FBXW7: variants seen among roughly 807,000 people sequenced by gnomAD.
FBXW7 encodes the protein F-box/WD repeat-containing protein 7.
A neutral mutation model predicts 86.3 loss-of-function variants in FBXW7; 11 were observed. The observed-to-expected ratio is 0.13, with a 90% CI of 0.08 to 0.21. The LOEUF is 0.21. Ranked by LOEUF, FBXW7 falls within the 10% of genes least tolerant of loss-of-function variation. The pLI, the probability that FBXW7 is intolerant of heterozygous loss-of-function variation, is 1.00. For missense variants in FBXW7, 488 were observed against 847.4 expected (o/e 0.58, Z 5.27); for synonymous variants, 313 against 297.9 (o/e 1.05, Z -0.52).
At chr4:152,367,936 G>A (rs980096687) in intron 4 of FBXW7, among the ~76,000 whole-genome samples, 5 of 151,844 alleles carry the variant, frequency 3.3e-5, no homozygotes, top group African/African-American at 1.2e-4. Flanking sequence ...AAAAAAACTG[G>A]TAAGTTTTTT....
chr4:152,522,191 C>T (rs1047957560), intron 2 of FBXW7, among the ~76,000 whole-genome samples: 3 of 152,092 alleles, frequency 2.0e-5, no homozygotes, highest in Non-Finnish European at 2.9e-5. Flanking sequence ...TTTATGAATA[C>T]ACACTACGGC....
intron 9 of FBXW7, 43 bp from the exon 10 acceptor site, chr4:152,329,828 A>G: frequency 8.6e-7 from 1 of 1,165,074 alleles, no homozygotes; most frequent in South Asian, 1.7e-5. Context: ...TAATTAAATT[A>G]TGTTCTTTAA....
chr4:152,342,832 C>G (rs148490841), intron 6 of FBXW7, among the ~76,000 whole-genome samples: 1 of 152,320 alleles, frequency 6.6e-6, no homozygotes, highest in East Asian at 1.9e-4. Flanking sequence ...ATACAAAAGT[C>G]GTTAAAATGT....
At chr4:152,506,339 GC>G (rs1317319359) in intron 2 of FBXW7, among the ~76,000 whole-genome samples, 1 of 152,098 alleles carries the variant, frequency 6.6e-6, no homozygotes, top group African/African-American at 2.4e-5. Context: ...CACCGTGTTA[GC>G]CAGGATGGTC....
At chr4:152,468,296 G>T (rs1039422966) in intron 2 of FBXW7, among the ~76,000 whole-genome samples, 2 of 150,966 alleles carry the variant, frequency 1.3e-5, no homozygotes, top group Non-Finnish European at 3.0e-5. Context: ...ACTCAAAAAC[G>T]TATCTACACA....
Position 152,475,270 on chromosome 4 carries a change from T to TA in FBXW7, c.-120+59670dup, listed in dbSNP as rs77407493. 5.8e-4 allele frequency among the ~76,000 whole-genome samples: 88 copies of TA among 151,376 alleles called. 3 individuals are homozygous for TA. In the East Asian group the frequency reaches 0.016, roughly 27 times the overall value. On this transcript the variant is annotated intron_variant, in intron 2 of 13. Coordinates refer to ENST00000281708, the MANE Select transcript of FBXW7 (RefSeq NM_001349798.2). ...AGCAAGACCTCATCTCCACAAAAAATAAAAAACTTAGCCAGGCATGATGGC... is the reference window on the plus strand; with the variant it reads ...AGCAAGACCTCATCTCCACAAAAAATAAAAAAACTTAGCCAGGCATGATGGC...
chr4:152,487,919 A>C (rs1385120537), intron 2 of FBXW7, among the ~76,000 whole-genome samples: 1 of 152,088 alleles, frequency 6.6e-6, no homozygotes, highest in African/African-American at 2.4e-5. Context: ...TTCCTATTTT[A>C]ATCTTTAATG....
intron 4 of FBXW7, among the ~76,000 whole-genome samples, chr4:152,401,229 T>C (rs1281954694): frequency 6.6e-6 from 1 of 152,182 alleles, no homozygotes; most frequent in African/African-American, 2.4e-5. Context: ...CCATGCAAAA[T>C]CCTGCACACA....
At position 152,484,154 on chromosome 4, in the gene FBXW7, A is replaced by G. The variant is rs554029113; in HGVS notation, c.-120+50787T>C. Among the ~76,000 whole-genome samples, 7 of 152,228 alleles carry G rather than the reference A, an allele frequency of 4.6e-5. No individual in the cohort carries two copies. In the South Asian group the frequency reaches 1.0e-3, roughly 23 times the overall value. On this transcript the variant is annotated intron_variant, in intron 2 of 13. Coordinates refer to ENST00000281708, the MANE Select transcript of FBXW7 (RefSeq NM_001349798.2). ...TTGTTATTTTCTTCATACAAATCCT[A>G]TTCATTTTTTAAAATTTATTACTAC...
In FBXW7 at chr4:152,535,796, C is replaced by G. The variant is rs1287254015; in HGVS notation, c.-882G>C. 5.1e-6 allele frequency: 2 copies of G among 394,324 alleles called. No homozygotes were observed. The highest frequency in any genetic ancestry group is 4.5e-6 in the Non-Finnish European group (1 of 223,518). The allele number at this position is 394,324 out of a possible 1,614,324, so 24.4% of individuals were successfully genotyped here. A position where few individuals can be genotyped will look rare whatever the true frequency, so the allele number is the denominator to read the frequency against. On this transcript the variant is annotated 5_prime_UTR_variant, in exon 1 of 14. Coordinates refer to ENST00000281708, the MANE Select transcript of FBXW7 (RefSeq NM_001349798.2). ...CCCGTGGTAGCCGCCTCCCTGCCCCCCAAGCCGCCGGCTCCGGCTCAGGCT... is the reference window on the plus strand; with the variant it reads ...CCCGTGGTAGCCGCCTCCCTGCCCCGCAAGCCGCCGGCTCCGGCTCAGGCT...
intron 6 of FBXW7, 76 bp downstream of exon 6, chr4:152,346,854 T>C (rs1426961628): frequency 8.2e-5 from 129 of 1,576,160 alleles, no homozygotes; most frequent in Non-Finnish European, 1.1e-4. Context: ...GTTTCCTTCT[T>C]TTTTTACGGA....
At chr4:152,332,222 C>T (rs569451270) in intron 8 of FBXW7, among the ~76,000 whole-genome samples, 2 of 152,144 alleles carry the variant, frequency 1.3e-5, no homozygotes, top group Middle Eastern at 6.8e-3. Context: ...ACTGCTGTAT[C>T]CCCCACCTTG....
chr4:152,400,710 A>C (rs1736849789), intron 4 of FBXW7, among the ~76,000 whole-genome samples: 1 of 152,318 alleles, frequency 6.6e-6, no homozygotes, highest in African/African-American at 2.4e-5. Flanking sequence ...GAAATAATTC[A>C]TAAGCTGGAC....
At chr4:152,491,089 T>G (rs1208936757) in intron 2 of FBXW7, among the ~76,000 whole-genome samples, 1 of 152,172 alleles carries the variant, frequency 6.6e-6, no homozygotes, top group Non-Finnish European at 1.5e-5. Context: ...GAGAACCAAC[T>G]GACAGGACTT....
intron 12 of FBXW7, chr4:152,325,771 G>A (rs1159462086): frequency 1.3e-5 from 6 of 448,264 alleles, no homozygotes; most frequent in Non-Finnish European, 2.0e-5. Context: ...GTGTCAGGTT[G>A]CAAAACAAAT....
intron 2 of FBXW7, among the ~76,000 whole-genome samples, chr4:152,501,693 G>C (rs1185528911): frequency 2.0e-5 from 3 of 152,156 alleles, no homozygotes; most frequent in Non-Finnish European, 2.9e-5. Context: ...TTGTAAACCT[G>C]ATGAGATCTC....
intron 4 of FBXW7, among the ~76,000 whole-genome samples, chr4:152,389,063 C>T (rs940495504): frequency 6.6e-6 from 1 of 151,940 alleles, no homozygotes; most frequent in Admixed American, 6.6e-5. Flanking sequence ...CAAAGAAATG[C>T]AAAGTAAAAC....
intron 4 of FBXW7, among the ~76,000 whole-genome samples, chr4:152,369,545 A>G (rs1353504552): frequency 6.6e-6 from 1 of 152,070 alleles, no homozygotes; most frequent in Non-Finnish European, 1.5e-5. Context: ...TCGGGGGAAA[A>G]GTTACTATAT....
At chr4:152,463,902 T>C (rs1236635453) in intron 2 of FBXW7, among the ~76,000 whole-genome samples, 1 of 151,970 alleles carries the variant, frequency 6.6e-6, no homozygotes, top group Admixed American at 6.6e-5. Context: ...AAACAAACAT[T>C]TAGCCAGAGA....
Sources: allele counts gnomAD v4.1 joint callset (sites outside exome capture counted in the v4.1 genomes callset), GRCh38; gene constraint gnomAD v4.1.1; transcripts MANE v1.5; gene names NCBI Gene and HGNC (gene_info 2026-07-23, HGNC 2026-07-21).